Variants in SLC9C2 observed in about 807,000 individuals in gnomAD.
SLC9C2 encodes the protein sodium/hydrogen exchanger 11.
Under a neutral mutation model 140.2 loss-of-function variants are expected in SLC9C2, and 75 were observed. That is an observed-to-expected ratio of 0.53 (90% CI 0.44 to 0.65). The LOEUF is 0.65. Ranked by LOEUF, SLC9C2 falls within the 30% of genes least tolerant of loss-of-function variation. The pLI, the probability that SLC9C2 is intolerant of heterozygous loss-of-function variation, is 0.00. For missense variants in SLC9C2, 1,074 were observed against 1,331.8 expected, an observed-to-expected ratio of 0.81 and a Z score of 3.01; for synonymous variants, 375 against 420.9, an observed-to-expected ratio of 0.89 and a Z score of 1.34.
intron 4 of SLC9C2, among the ~76,000 whole-genome samples, chr1:173,590,004 G>C (rs1436096005): frequency 1.3e-5 from 2 of 152,078 alleles, no homozygotes; most frequent in African/African-American, 2.4e-5. Context: ...GCACTCTGGG[G>C]GGCCCAGGCG....
chr1:173,557,750 T>C (rs1663810775), intron 9 of SLC9C2, among the ~76,000 whole-genome samples: 1 of 152,186 alleles, frequency 6.6e-6, no homozygotes, highest in Non-Finnish European at 1.5e-5. Context: ...TAAGGAATTA[T>C]CATCAACACT....
chr1:173,547,717 G>C lies in SLC9C2; in HGVS notation c.1529C>G (p.Ala510Gly), dbSNP rs200859968. ...STTDEALMEE[A>G]RLHVAAIQMS... Reference sequence around the variant, plus strand: ...TTGTATTGCAGCTACATGCAATCTGGCTTCCTCCATTAAAGCTTCATCTGT... The same window carrying C: ...TTGTATTGCAGCTACATGCAATCTGCCTTCCTCCATTAAAGCTTCATCTGT... Residue 510 changes from alanine (A) to glycine (G), a missense_variant, in exon 13 of 28, where the codon GCC becomes GGC. Transcript: ENST00000367714. The C allele has an allele frequency of 1.9e-6, 3 of 1,612,166 alleles. No individual in the cohort carries two copies. Among genetic ancestry groups the C allele is most frequent in the Non-Finnish European group, 1.7e-6 (2 of 1,178,798 alleles).
At chr1:173,574,703 G>A (rs1046693366) in intron 8 of SLC9C2, among the ~76,000 whole-genome samples, 3 of 147,212 alleles carry the variant, frequency 2.0e-5, no homozygotes, top group Non-Finnish European at 4.5e-5. Context: ...GTAGAGACAG[G>A]GTTTCACCAT....
At chr1:173,563,762 T>C (rs1264899977) in intron 9 of SLC9C2, among the ~76,000 whole-genome samples, 2 of 152,166 alleles carry the variant, frequency 1.3e-5, no homozygotes, top group Non-Finnish European at 2.9e-5. Context: ...TTATCAACTA[T>C]AGTCACCCTG....
intron 5 of SLC9C2, among the ~76,000 whole-genome samples, chr1:173,584,389 T>G (rs748327439): frequency 2.6e-5 from 4 of 152,212 alleles, no homozygotes; most frequent in Non-Finnish European, 5.9e-5. Context: ...TAACATCATT[T>G]TCTTTCTGCC....
rs561556387 is a variant in SLC9C2, at chr1:173,503,434, C to G, written c.3311-108G>C. 1.2e-5 allele frequency: 12 copies of G among 999,564 alleles called. No homozygotes were observed. The African/African-American group carries it at 1.9e-4, about 16-fold the overall frequency. The allele number at this position is 999,564 out of a possible 1,614,324, so 61.9% of individuals were successfully genotyped here. On this transcript the variant is annotated intron_variant, in intron 26 of 27. Transcript: ENST00000367714. Reference sequence around the variant, plus strand: ...ATTTGCTTTCTCCCTATAAGTTTCCCTTTTCCCTTCCCCCTCTCAAATGTC... The same window carrying G: ...ATTTGCTTTCTCCCTATAAGTTTCCGTTTTCCCTTCCCCCTCTCAAATGTC...
At position 173,583,540 on chromosome 1, in the gene SLC9C2, A is replaced by T; in HGVS notation, c.606T>A (p.Phe202Leu). ...CSIASIFFGN[F>L]RGNRIHFSIF... ...TAGAAAAGTGGATTCTGTTGCCCCG[A>T]AAATTTCCAAAAAAAATTGATGCGA... Residue 202 changes from phenylalanine to leucine, a missense_variant, in exon 6 of 28, where the codon TTT becomes TTA. Physicochemically the swap from Phe to Leu is conservative, Grantham distance 22. Coordinates refer to ENST00000367714, the MANE Select transcript of SLC9C2 (RefSeq NM_178527.4). The T allele has an allele frequency of 6.2e-7, 1 of 1,611,314 alleles. No individual in the cohort carries two copies. The highest frequency in any genetic ancestry group is 8.5e-7 in the Non-Finnish European group (1 of 1,178,584).
At chr1:173,551,637 T>C (rs1259129731) in intron 11 of SLC9C2, among the ~76,000 whole-genome samples, 2 of 152,214 alleles carry the variant, frequency 1.3e-5, no homozygotes, top group Non-Finnish European at 2.9e-5. Context: ...ATATTACTAA[T>C]GTAATTGCGT....
chr1:173,593,155 A>T (rs1666262123), intron 4 of SLC9C2, among the ~76,000 whole-genome samples: 1 of 152,212 alleles, frequency 6.6e-6, no homozygotes, highest in African/African-American at 2.4e-5. Context: ...GTGATACTAT[A>T]AAGCAACCTC....
In SLC9C2 at chr1:173,533,464, T is replaced by G. The variant is rs1267463915; in HGVS notation, c.2163+145A>C. The G allele has an allele frequency of 9.0e-6, 5 of 556,622 alleles. No homozygotes were observed. The Admixed American group carries it at 1.7e-4, about 18-fold the overall frequency. The allele number at this position is 556,622 out of a possible 1,614,324, so 34.5% of individuals were successfully genotyped here. A position where few individuals can be genotyped will look rare whatever the true frequency, so the allele number is the denominator to read the frequency against. Reference sequence around the variant, plus strand: ...CAGCTAATTTATTAATTTTTTGTAGTGATGGGGTCTTGCTATGTTACCCAG... The same window carrying G: ...CAGCTAATTTATTAATTTTTTGTAGGGATGGGGTCTTGCTATGTTACCCAG... On this transcript the variant is annotated intron_variant, in intron 17 of 27. Transcript: ENST00000367714.
At chr1:173,564,143 G>T (rs1156447506) in intron 9 of SLC9C2, among the ~76,000 whole-genome samples, 1 of 152,102 alleles carries the variant, frequency 6.6e-6, no homozygotes, top group Admixed American at 6.5e-5. Flanking sequence ...CTTGGTTATT[G>T]TGAATAGTGC....
At chr1:173,503,698 T>A (rs1571412873) in intron 26 of SLC9C2, among the ~76,000 whole-genome samples, 5 of 152,306 alleles carry the variant, frequency 3.3e-5, no homozygotes, top group African/African-American at 1.2e-4. Context: ...CTGGCAGACC[T>A]TATTTTTTCA....
At chr1:173,577,382 T>A (rs1665245443) in intron 7 of SLC9C2, among the ~76,000 whole-genome samples, 1 of 152,240 alleles carries the variant, frequency 6.6e-6, no homozygotes, top group Non-Finnish European at 1.5e-5. Context: ...TAGACCTCCC[T>A]AATTAAACTT....
chr1:173,519,280 A>T (rs558844749), intron 22 of SLC9C2, among the ~76,000 whole-genome samples: 1 of 152,270 alleles, frequency 6.6e-6, no homozygotes, highest in East Asian at 1.9e-4. Flanking sequence ...TCCAGCTGAC[A>T]GCCTTGAAGA....
chr1:173,553,462 A>T (rs927463174), intron 11 of SLC9C2, among the ~76,000 whole-genome samples: 8 of 152,204 alleles, frequency 5.3e-5, no homozygotes, highest in African/African-American at 1.4e-4. Context: ...GCCAAACTTC[A>T]CTGTTGTCTT....
At chr1:173,568,292 C>T (rs1255823964) in intron 9 of SLC9C2, among the ~76,000 whole-genome samples, 3 of 152,116 alleles carry the variant, frequency 2.0e-5, no homozygotes, top group African/African-American at 7.2e-5. Flanking sequence ...ATCCTCCCAC[C>T]TCAAGTAGAT....
At chr1:173,598,617 G>A (rs1323961411) in intron 3 of SLC9C2, among the ~76,000 whole-genome samples, 1 of 152,134 alleles carries the variant, frequency 6.6e-6, no homozygotes, top group Non-Finnish European at 1.5e-5. Context: ...AGTTTATTTT[G>A]TCCCAATCAA....
intron 23 of SLC9C2, among the ~76,000 whole-genome samples, chr1:173,511,273 C>T (rs886195182): frequency 6.6e-6 from 1 of 151,776 alleles, no homozygotes; most frequent in Non-Finnish European, 1.5e-5. Context: ...CTCATGATCC[C>T]CCTGCCTCAG....
chr1:173,537,153 C>A, intron 13 of SLC9C2, 114 bp from the exon 14 acceptor site: 2 of 743,446 alleles, frequency 2.7e-6, no homozygotes, highest in Non-Finnish European at 4.5e-6. Context: ...TCAAAATATG[C>A]CATTACAAAA....
Sources: gnomAD v4.1 joint callset for allele counts (sites outside exome capture counted in the v4.1 genomes callset) on GRCh38, gnomAD v4.1.1 for gene constraint, MANE v1.5 for transcripts, NCBI Gene and HGNC (gene_info 2026-07-23, HGNC 2026-07-21) for gene names.